Variants in CENPC observed in about 807,000 individuals in gnomAD.
CENPC encodes CENP-C 1.
CENPC carries 63 observed loss-of-function variants against 112.1 expected under a neutral mutation model. That is an observed-to-expected ratio of 0.56 (90% confidence interval 0.46 to 0.69). The LOEUF is 0.69. Ranked by LOEUF, CENPC falls within the 30% of genes least tolerant of loss-of-function variation. The pLI, the probability that CENPC is intolerant of heterozygous loss-of-function variation, is 0.00. For missense variants in CENPC, 1,000 were observed against 1,103.8 expected, an observed-to-expected ratio of 0.91 and a Z score of 1.33; for synonymous variants, 333 against 367.6, an observed-to-expected ratio of 0.91 and a Z score of 1.08.
chr4:67,487,344 A>C (rs1202311023), intron 17 of CENPC, among the ~76,000 whole-genome samples: 1 of 151,692 alleles, frequency 6.6e-6, no homozygotes, highest in East Asian at 1.9e-4. Context: ...AGTCTTAGAA[A>C]TTCATGGATT....
At chr4:67,480,800 G>A (rs1313863424) in intron 17 of CENPC, among the ~76,000 whole-genome samples, 1 of 152,102 alleles carries the variant, frequency 6.6e-6, no homozygotes, top group Admixed American at 6.5e-5. Context: ...ATAACTCAAG[G>A]TAATAAAAGC....
intron 5 of CENPC, among the ~76,000 whole-genome samples, chr4:67,528,266 C>G (rs976651725): frequency 2.6e-5 from 4 of 152,018 alleles, no homozygotes; most frequent in Admixed American, 1.3e-4. Flanking sequence ...AGACCCAATA[C>G]TAGGAGGGAG....
intron 5 of CENPC, among the ~76,000 whole-genome samples, chr4:67,526,012 G>A (rs977529167): frequency 6.6e-6 from 1 of 152,180 alleles, no homozygotes. Context: ...ATGAGTTCAT[G>A]TCCTTTGCAG....
At chr4:67,509,224 A>ACACC in intron 9 of CENPC, 119 bp from the exon 10 acceptor site, 1 of 582,258 alleles carries the variant, frequency 1.7e-6, no homozygotes, top group Non-Finnish European at 3.0e-6. Context: ...ACACACACAC[A>ACACC]CACACACACA....
intron 5 of CENPC, among the ~76,000 whole-genome samples, chr4:67,528,147 G>A (rs1471326818): frequency 6.6e-6 from 1 of 152,026 alleles, no homozygotes; most frequent in Non-Finnish European, 1.5e-5. Flanking sequence ...ACCTTGGTAA[G>A]TGCTGAATTA....
At chr4:67,540,480 C>A (rs540058472) in intron 3 of CENPC, among the ~76,000 whole-genome samples, 2 of 152,048 alleles carry the variant, frequency 1.3e-5, no homozygotes, top group African/African-American at 4.8e-5. Flanking sequence ...ACCAGACTAG[C>A]CAACATGGTG....
At chr4:67,478,602 A>G (rs900110030) in intron 17 of CENPC, among the ~76,000 whole-genome samples, 14 of 150,614 alleles carry the variant, frequency 9.3e-5, no homozygotes, top group African/African-American at 3.2e-4. Flanking sequence ...GAACCTCCTT[A>G]AAGGATAAAT....
intron 1 of CENPC, 83 bp downstream of exon 1, chr4:67,545,255 G>A: frequency 7.5e-7 from 1 of 1,334,852 alleles, no homozygotes; most frequent in South Asian, 1.6e-5. Flanking sequence ...CCTCAGCCTA[G>A]CATTTCCTTC....
At position 67,489,896 on chromosome 4, in the gene CENPC, A is replaced by G. The variant is rs373327397; in HGVS notation, c.2670+71T>C. 6.4e-6 allele frequency: 8 copies of G among 1,241,768 alleles called. No individual in the cohort carries two copies. In the African/African-American group the frequency reaches 7.6e-5, roughly 12 times the overall value. 76.9% of individuals were successfully genotyped at this position (1,241,768 alleles called of 1,614,324 possible). Reference sequence around the variant, plus strand: ...TCATTTCTGAGAAAACAGCATTTTAATGTCTCATCAAATCCAATAAATCAG... The same window carrying G: ...TCATTTCTGAGAAAACAGCATTTTAGTGTCTCATCAAATCCAATAAATCAG... On this transcript the variant is annotated intron_variant, in intron 17 of 18. Coordinates refer to ENST00000273853, the MANE Select transcript of CENPC (RefSeq NM_001812.4).
intron 4 of CENPC, among the ~76,000 whole-genome samples, chr4:67,537,082 G>C (rs1481135969): frequency 6.8e-6 from 1 of 146,922 alleles, no homozygotes; most frequent in African/African-American, 2.5e-5. Flanking sequence ...GAATAAAAAA[G>C]GGGATATAAC....
chr4:67,539,757 C>T (rs1014512581), intron 4 of CENPC, 83 bp downstream of exon 4: 17 of 677,966 alleles, frequency 2.5e-5, no homozygotes, highest in Admixed American at 3.9e-5. Flanking sequence ...GACTTACAAA[C>T]AACTAAAATA....
At position 67,505,278 on chromosome 4, in the gene CENPC, A is replaced by G; in HGVS notation, c.2058T>C (p.Pro686=). 1 of 1,548,174 alleles carries G rather than the reference A, an allele frequency of 6.5e-7. No homozygotes were observed. The change falls in exon 12 of 19, where the codon CCT becomes CCC. Residue 686 remains proline (P), a synonymous_variant. Transcript: ENST00000273853. ...HKTSVLEESG[P]SRLNNNYLMS... Reference sequence around the variant, plus strand: ...TTAAATAATTATTATTGAGCCTGGAAGGTCCACTTAAGAAAAAAAGGAAAC... The same window carrying G: ...TTAAATAATTATTATTGAGCCTGGAGGGTCCACTTAAGAAAAAAAGGAAAC...
At chr4:67,512,602 A>T in intron 8 of CENPC, 33 bp from the exon 9 acceptor site, 3 of 1,427,842 alleles carry the variant, frequency 2.1e-6, no homozygotes, top group Non-Finnish European at 2.8e-6. Context: ...ACCAATTCAC[A>T]ATCTACTAAA....
chr4:67,525,047 G>C (rs753485273), intron 5 of CENPC, among the ~76,000 whole-genome samples: 1 of 152,126 alleles, frequency 6.6e-6, no homozygotes, highest in Non-Finnish European at 1.5e-5. Context: ...TTTGCTCTTC[G>C]ACAAACCTGA....
chr4:67,472,764 G>T, intron 18 of CENPC, 89 bp from the exon 19 acceptor site: 1 of 1,266,716 alleles, frequency 7.9e-7, no homozygotes, highest in East Asian at 3.0e-5. Context: ...GACAGTTGTA[G>T]TATAGGACAC....
Position 67,530,551 on chromosome 4 carries a change from T to C in CENPC, c.331+264A>G, listed in dbSNP as rs568370039. ...CTTTATTAACTCAATGGAGTAACACTCTTTTAATCTGAAAAATAAAAAGAA... is the reference window on the plus strand; with the variant it reads ...CTTTATTAACTCAATGGAGTAACACCCTTTTAATCTGAAAAATAAAAAGAA... On this transcript the variant is annotated intron_variant, in intron 5 of 18. Transcript: ENST00000273853. Among the ~76,000 whole-genome samples, 9 of 152,026 alleles carry C rather than the reference T, an allele frequency of 5.9e-5. No individual in the cohort carries two copies. In the East Asian group the frequency reaches 1.7e-3, roughly 29 times the overall value.
At chr4:67,519,724 T>C (rs542679658) in intron 5 of CENPC, among the ~76,000 whole-genome samples, 14 of 152,140 alleles carry the variant, frequency 9.2e-5, no homozygotes, top group Admixed American at 4.6e-4. Context: ...GATGATATAT[T>C]TACACATACA....
chr4:67,506,373 C>T (rs1260552226), intron 11 of CENPC, among the ~76,000 whole-genome samples: 1 of 152,120 alleles, frequency 6.6e-6, no homozygotes, highest in African/African-American at 2.4e-5. Flanking sequence ...CATTAAAAGA[C>T]ACTGTGATAT....
chr4:67,504,403 A>C (rs1225838778), intron 12 of CENPC, among the ~76,000 whole-genome samples: 1 of 152,208 alleles, frequency 6.6e-6, no homozygotes, highest in Non-Finnish European at 1.5e-5. Context: ...TTAAAAAGTT[A>C]AAAGAATAGT....
Sources: allele counts gnomAD v4.1 joint callset (sites outside exome capture counted in the v4.1 genomes callset), GRCh38; gene constraint gnomAD v4.1.1; transcripts MANE v1.5; gene names NCBI Gene and HGNC (gene_info 2026-07-23, HGNC 2026-07-21).